NAV3: variants seen among roughly 807,000 people sequenced by gnomAD.
NAV3 encodes neuron navigator 3.
Under a neutral mutation model 244.7 loss-of-function variants are expected in NAV3, and 87 were observed. The observed-to-expected ratio is 0.36, with a 90% CI of 0.30 to 0.42. NAV3 has a LOEUF of 0.42. Among genes scored for constraint, NAV3 ranks in the 20% least tolerant of loss-of-function variants. NAV3 has a pLI of 1.00. For synonymous variants in NAV3, 1,126 were observed against 1,042.2 expected, an observed-to-expected ratio of 1.08 and a Z score of -1.55; for missense variants, 2,663 against 2,893.3, an observed-to-expected ratio of 0.92 and a Z score of 1.83.
At chr12:77,736,459 T>C (rs1471247755) in intron 2 of NAV3, among the ~76,000 whole-genome samples, 1 of 152,186 alleles carries the variant, frequency 6.6e-6, no homozygotes, top group Non-Finnish European at 1.5e-5. Context: ...TTGTACCAGT[T>C]GAAAGATTAA....
At chr12:77,761,371 T>C (rs780638822) in intron 2 of NAV3, among the ~76,000 whole-genome samples, 81 of 152,210 alleles carry the variant, frequency 5.3e-4, no homozygotes, top group Non-Finnish European at 1.8e-4. Context: ...AGATCATCTA[T>C]GTCAAACTGC....
chr12:77,818,830 A>G (rs1032664695), intron 2 of NAV3, among the ~76,000 whole-genome samples: 1 of 152,130 alleles, frequency 6.6e-6, no homozygotes, highest in Admixed American at 6.6e-5. Context: ...TCTTTTACTT[A>G]TATAAAGAAT....
chr12:78,010,903 G>GGT (rs1875162990), intron 8 of NAV3: 1 of 151,760 alleles, frequency 6.6e-6, no homozygotes, highest in Non-Finnish European at 1.5e-5. Context: ...TCACACACTG[G>GGT]GTGTTCAGAG....
At chr12:78,197,527 A>C (rs1468465187) in intron 35 of NAV3, 126 bp downstream of exon 35, 1 of 616,246 alleles carries the variant, frequency 1.6e-6, no homozygotes, top group Non-Finnish European at 2.6e-6. Flanking sequence ...ATTGACAGAT[A>C]AAACTGTACA....
chr12:78,009,445 CAAAAAAAAAAA>C (rs35722033), intron 8 of NAV3, among the ~76,000 whole-genome samples: 1,967 of 70,018 alleles, frequency 0.028, 57 homozygotes, highest in African/African-American at 0.094. Context: ...GAGGGAAACT[CAAAAAAAAAAA>C]AAAAAAAAAA....
At chr12:77,779,283 G>C (rs1256123298) in intron 2 of NAV3, among the ~76,000 whole-genome samples, 2 of 152,178 alleles carry the variant, frequency 1.3e-5, no homozygotes, top group Non-Finnish European at 2.9e-5. Flanking sequence ...GGTGAAACCA[G>C]CACTGAAATA....
chr12:77,643,029 C>CT (rs1317635387), intron 2 of NAV3, among the ~76,000 whole-genome samples: 2 of 151,894 alleles, frequency 1.3e-5, no homozygotes, highest in African/African-American at 4.8e-5. Flanking sequence ...TTTCATGTCA[C>CT]TTTTTTCTCT....
intron 1 of NAV3, among the ~76,000 whole-genome samples, chr12:77,878,751 C>A (rs779178688): frequency 6.7e-6 from 1 of 150,214 alleles, no homozygotes; most frequent in African/African-American, 2.4e-5. Flanking sequence ...TGAGCTTAGA[C>A]ATGTTGATTA....
intron 2 of NAV3, among the ~76,000 whole-genome samples, chr12:77,714,594 C>G (rs1445872067): frequency 6.6e-6 from 1 of 152,028 alleles, no homozygotes; most frequent in Admixed American, 6.6e-5. Flanking sequence ...AGGCATGTGC[C>G]CATTAAATAT....
At chr12:77,975,376 C>T (rs1000436875) in intron 5 of NAV3, among the ~76,000 whole-genome samples, 1 of 152,160 alleles carries the variant, frequency 6.6e-6, no homozygotes, top group African/African-American at 2.4e-5. Flanking sequence ...TTGAAGCTTT[C>T]ATTCTAGTAA....
intron 9 of NAV3, among the ~76,000 whole-genome samples, chr12:78,047,448 C>G (rs1176322225): frequency 6.6e-6 from 1 of 152,168 alleles, no homozygotes; most frequent in Non-Finnish European, 1.5e-5. Context: ...GATTGTGCCA[C>G]TGCACTCCAG....
At chr12:77,805,125 T>G (rs1871906068) in intron 2 of NAV3, among the ~76,000 whole-genome samples, 1 of 152,220 alleles carries the variant, frequency 6.6e-6, no homozygotes, top group African/African-American at 2.4e-5. Flanking sequence ...AGAGACAATT[T>G]GACTTCCTCT....
At chr12:77,689,547 A>T (rs1398878070) in intron 2 of NAV3, among the ~76,000 whole-genome samples, 2 of 151,918 alleles carry the variant, frequency 1.3e-5, no homozygotes, top group East Asian at 3.8e-4. Flanking sequence ...CTTTTAAAGG[A>T]GTAGCAGATG....
chr12:77,913,826 A>T (rs767387706), intron 1 of NAV3, among the ~76,000 whole-genome samples: 2 of 152,158 alleles, frequency 1.3e-5, no homozygotes, highest in Non-Finnish European at 2.9e-5. Context: ...AGAATTTAAA[A>T]GTATGTTTCC....
rs201712297 is a variant in NAV3, at chr12:78,148,829, T to A, written c.4708-13T>A. ...TACTTGCCTATTCCATTGATTTTTT[T>A]AATTGCATTCAGCAAATCCATAAAC... On this transcript the variant is annotated splice_polypyrimidine_tract_variant and intron_variant, in intron 21 of 39. Coordinates refer to ENST00000397909, the MANE Select transcript of NAV3 (RefSeq NM_001024383.2). 3.5e-5 allele frequency: 57 copies of A among 1,609,188 alleles called. No homozygotes were observed. Among genetic ancestry groups the A allele is most frequent in the East Asian group, 1.1e-4 (5 of 44,610 alleles).
At chr12:77,641,321 G>T (rs777859447) in intron 2 of NAV3, among the ~76,000 whole-genome samples, 1 of 151,956 alleles carries the variant, frequency 6.6e-6, no homozygotes, top group Non-Finnish European at 1.5e-5. Flanking sequence ...CCCCAAAGCC[G>T]AGTTGGGATG....
At position 77,717,815 on chromosome 12, in the gene NAV3, G is replaced by T. The variant is rs374670949; in HGVS notation, c.72+145549G>T. ...CAAACAAGTGTGAGGCACTGTCTCAGTTGGTTTTGATTTGCATGTCCTTGA... is the reference window on the plus strand; with the variant it reads ...CAAACAAGTGTGAGGCACTGTCTCATTTGGTTTTGATTTGCATGTCCTTGA... On this transcript the variant is annotated intron_variant, in intron 2 of 8. Transcript: ENST00000550042. 1.2e-3 allele frequency among the ~76,000 whole-genome samples: 180 copies of T among 152,096 alleles called. 1 individual carries two copies. Among genetic ancestry groups the T allele is most frequent in the African/African-American group, 4.1e-3 (170 of 41,512 alleles).
At chr12:77,897,798 A>G (rs1466274006) in intron 1 of NAV3, among the ~76,000 whole-genome samples, 1 of 151,914 alleles carries the variant, frequency 6.6e-6, no homozygotes, top group East Asian at 1.9e-4. Flanking sequence ...TACCCAAAGC[A>G]TTGTGAGAAT....
rs534798101 is a variant in NAV3 at position 77,636,238 on chromosome 12, C to T, written c.72+63972C>T. Among the ~76,000 whole-genome samples the T allele has an allele frequency of 4.9e-4, 75 of 152,044 alleles. 1 individual carries two copies. The highest frequency in any genetic ancestry group is 3.4e-3 in the Middle Eastern group (1 of 292). Reference sequence around the variant, plus strand: ...CACAGCACTTTGGCAGGCCAAGGCTCCCAGGATCATGAGGTCAGGAGATCG... The same window carrying T: ...CACAGCACTTTGGCAGGCCAAGGCTTCCAGGATCATGAGGTCAGGAGATCG... On this transcript the variant is annotated intron_variant, in intron 2 of 8. Coordinates refer to the NAV3 transcript ENST00000550042.
Sources: gnomAD v4.1 joint callset for allele counts (sites outside exome capture counted in the v4.1 genomes callset) on GRCh38, gnomAD v4.1.1 for gene constraint, MANE v1.5 for transcripts, NCBI Gene and HGNC (gene_info 2026-07-23, HGNC 2026-07-21) for gene names.